The following SYT14 variants were observed in gnomAD, a reference collection of about 807,000 sequenced individuals.
The protein encoded by SYT14 is synaptotagmin 14, also known as synaptotagmin-14.
In SYT14, 32 loss-of-function variants were observed where a neutral mutation model predicts 74.2. That is an observed-to-expected ratio of 0.43 (90% CI 0.33 to 0.58). SYT14 has a LOEUF of 0.58. Among genes scored for constraint, SYT14 ranks in the 20% least tolerant of loss-of-function variants. SYT14 has a pLI of 0.05. For synonymous variants in SYT14, 298 were observed against 337.7 expected (o/e 0.88, Z 1.29); for missense variants, 791 against 981.8 (o/e 0.81, Z 2.60).
chr1:210,167,286 A>G (rs1235684928), exon 10 of SYT14: 1 of 152,206 alleles, frequency 6.6e-6, no homozygotes, highest in Non-Finnish European at 1.5e-5. Context: ...CTTCATTGTC[A>G]TCACACTCAT....
exon 7 of SYT14, chr1:210,100,406 A>G: frequency 6.2e-7 from 1 of 1,613,544 alleles, no homozygotes; most frequent in Non-Finnish European, 8.5e-7. Flanking sequence ...ACAAAATTGA[A>G]TCTTCAAGGG....
In SYT14 at chr1:210,166,277, T is replaced by C. The variant is rs2083454246; in HGVS notation, c.*5235T>C. The C allele has an allele frequency of 2.0e-5, 3 of 152,314 alleles. No homozygotes were observed. The South Asian group carries it at 6.2e-4, about 32-fold the overall frequency. The allele number at this position is 152,314 out of a possible 1,614,324, so 9.4% of individuals were successfully genotyped here. ...ATCCTTAAGAATTATTTTGAAAATT[T>C]AACTTGGGCCAGGCGTGGTGGCTTA... On this transcript the variant is annotated 3_prime_UTR_variant, in exon 10 of 10. Transcript: ENST00000637265.
chr1:210,133,567 G>A (rs767071603), intron 7 of SYT14, among the ~76,000 whole-genome samples: 4 of 152,132 alleles, frequency 2.6e-5, no homozygotes, highest in African/African-American at 9.7e-5. Context: ...TCTGATAGTG[G>A]TGTCCAGTGT....
intron 5 of SYT14, among the ~76,000 whole-genome samples, chr1:210,030,050 C>T (rs566352309): frequency 2.0e-5 from 3 of 152,108 alleles, no homozygotes; most frequent in Admixed American, 6.5e-5. Context: ...TCAGATTGTT[C>T]ATTATTAGTG....
intron 5 of SYT14, among the ~76,000 whole-genome samples, chr1:210,057,158 A>G (rs760864247): frequency 1.3e-5 from 2 of 152,122 alleles, no homozygotes; most frequent in Non-Finnish European, 2.9e-5. Context: ...GTTGATATTG[A>G]TAATTGAAAT....
intron 1 of SYT14, 108 bp downstream of exon 1, chr1:209,938,385 C>T (rs2078669184): frequency 3.4e-6 from 4 of 1,181,420 alleles, no homozygotes; most frequent in Non-Finnish European, 4.7e-6. Context: ...CTCCTGTGGT[C>T]TGGAGCCGGC....
chr1:209,985,781 T>G (rs542968670), intron 2 of SYT14, among the ~76,000 whole-genome samples: 2 of 152,354 alleles, frequency 1.3e-5, no homozygotes, highest in East Asian at 3.9e-4. Flanking sequence ...CCACTACTCT[T>G]GCACTCCAAG....
At chr1:209,953,681 T>A (rs1018456983) in intron 2 of SYT14, among the ~76,000 whole-genome samples, 1 of 152,148 alleles carries the variant, frequency 6.6e-6, no homozygotes, top group Non-Finnish European at 1.5e-5. Flanking sequence ...CTTGAAAAAA[T>A]TTTTAATCCT....
At chr1:209,957,242 TCTCTCGTAG>T (rs2079007991) in intron 2 of SYT14, among the ~76,000 whole-genome samples, 1 of 152,194 alleles carries the variant, frequency 6.6e-6, no homozygotes, top group African/African-American at 2.4e-5. Flanking sequence ...CTCTTCTCTC[TCTCTCGTAG>T]CTTTTCTCTT....
intron 5 of SYT14, among the ~76,000 whole-genome samples, chr1:210,075,867 C>G (rs991644880): frequency 6.6e-6 from 1 of 152,132 alleles, no homozygotes; most frequent in South Asian, 2.1e-4. Context: ...AAAGGTATAT[C>G]TTTGCTATTA....
At chr1:210,029,180 C>A (rs934451343) in intron 5 of SYT14, among the ~76,000 whole-genome samples, 1 of 152,138 alleles carries the variant, frequency 6.6e-6, no homozygotes, top group Non-Finnish European at 1.5e-5. Context: ...AATCTCTTAT[C>A]AGATATATGG....
chr1:209,978,617 TGG>T (rs1162481937), intron 2 of SYT14, among the ~76,000 whole-genome samples: 1 of 152,150 alleles, frequency 6.6e-6, no homozygotes, highest in Non-Finnish European at 1.5e-5. Context: ...CTGCCCCTAC[TGG>T]GGGGTGCCTC....
chr1:209,938,263 T>G (rs1237239784), exon 1 of SYT14: 71 of 1,560,888 alleles, frequency 4.5e-5, no homozygotes, highest in Non-Finnish European at 6.2e-5. Flanking sequence ...GGCGAGCGCA[T>G]CATGGCGATT....
intron 7 of SYT14, among the ~76,000 whole-genome samples, chr1:210,131,324 G>A (rs1026911891): frequency 5.3e-5 from 8 of 152,020 alleles, no homozygotes; most frequent in Non-Finnish European, 1.2e-4. Context: ...CCCTCTGAAC[G>A]TCTTGCATGA....
At chr1:210,117,972 A>G (rs1319021730) in intron 7 of SYT14, among the ~76,000 whole-genome samples, 1 of 152,220 alleles carries the variant, frequency 6.6e-6, no homozygotes, top group East Asian at 1.9e-4. Context: ...TCAGCAACCA[A>G]CAAGTGTGTA....
At chr1:210,091,397 C>G (rs1277772944) in intron 5 of SYT14, among the ~76,000 whole-genome samples, 1 of 152,138 alleles carries the variant, frequency 6.6e-6, no homozygotes, top group East Asian at 1.9e-4. Context: ...ATACTCTGAT[C>G]AAGAAAACAG....
chr1:210,169,306 T>G (rs1482801949), exon 10 of SYT14: 1 of 144,692 alleles, frequency 6.9e-6, no homozygotes, highest in Non-Finnish European at 1.5e-5. Context: ...GTTTTGGTTT[T>G]GGGAAGTCTT....
intron 5 of SYT14, among the ~76,000 whole-genome samples, chr1:210,065,094 T>C (rs1291305968): frequency 6.6e-6 from 1 of 152,106 alleles, no homozygotes; most frequent in Non-Finnish European, 1.5e-5. Context: ...TATATTCAAG[T>C]CCTTTGCCCA....
chr1:210,131,161 A>ACT (rs2082665848), intron 7 of SYT14, among the ~76,000 whole-genome samples: 1 of 152,196 alleles, frequency 6.6e-6, no homozygotes, highest in African/African-American at 2.4e-5. Context: ...ACAGTCAGTA[A>ACT]ATAATAGTTG....
Sources: gnomAD v4.1 joint callset for allele counts (sites outside exome capture counted in the v4.1 genomes callset) on GRCh38, gnomAD v4.1.1 for gene constraint, MANE v1.5 for transcripts, NCBI Gene and HGNC (gene_info 2026-07-23, HGNC 2026-07-21) for gene names.